SLC5A9: variants seen among roughly 807,000 people sequenced by gnomAD.
SLC5A9 encodes the protein solute carrier family 5 member 9.
A neutral mutation model predicts 70.9 loss-of-function variants in SLC5A9; 59 were observed. That is an observed-to-expected ratio of 0.83 (90% confidence interval 0.68 to 1.03). The LOEUF (loss-of-function observed/expected upper bound fraction) is 1.03. SLC5A9 is among the 50% of genes least tolerant of loss of function. The pLI is 0.00. For synonymous variants in SLC5A9, 340 were observed against 346.5 expected (o/e 0.98, Z 0.21); for missense variants, 832 against 881.1 (o/e 0.94, Z 0.71).
rs766280085 is a variant in SLC5A9 at position 48,230,575 on chromosome 1, C to T, written c.505-25C>T. ...CTACTGAGGGCCTCGGGTGGTCTGGCCTCTTGGGTCCTGGCTCTCTGCAGA... is the reference window on the plus strand; with the variant it reads ...CTACTGAGGGCCTCGGGTGGTCTGGTCTCTTGGGTCCTGGCTCTCTGCAGA... On this transcript the variant is annotated intron_variant, in intron 4 of 13. Transcript: ENST00000438567. 6.3e-6 allele frequency: 10 copies of T among 1,590,410 alleles called. No individual in the cohort carries two copies. The East Asian group carries it at 2.2e-4, about 36-fold the overall frequency.
At chr1:48,240,838 C>T (rs1421321842) in intron 12 of SLC5A9, among the ~76,000 whole-genome samples, 2 of 152,192 alleles carry the variant, frequency 1.3e-5, no homozygotes, top group South Asian at 2.1e-4. Context: ...CTTCTCAACC[C>T]GCTGCTGTCT....
At chr1:48,224,334 CA>C (rs955408186) in intron 1 of SLC5A9, among the ~76,000 whole-genome samples, 9 of 152,202 alleles carry the variant, frequency 5.9e-5, no homozygotes, top group Non-Finnish European at 1.2e-4. Context: ...CAGCTGGGAG[CA>C]GGGAGGGGAT....
intron 2 of SLC5A9, chr1:48,228,613 C>G: frequency 1.7e-6 from 1 of 580,008 alleles, no homozygotes; most frequent in Non-Finnish European, 2.9e-6. Flanking sequence ...CATTTACTCA[C>G]TGGGTGACCT....
intron 13 of SLC5A9, among the ~76,000 whole-genome samples, chr1:48,244,777 A>C (rs564525365): frequency 3.7e-4 from 50 of 134,992 alleles, no homozygotes; most frequent in African/African-American, 1.3e-3. Flanking sequence ...AATTATATTT[A>C]TATTATATAT....
Position 48,228,903 on chromosome 1 carries a change from G to A in SLC5A9, c.288G>A (p.Leu96=). 6.2e-7 allele frequency: 1 copy of A among 1,613,752 alleles called. No individual in the cohort carries two copies. The highest frequency in any genetic ancestry group is 8.5e-7 in the Non-Finnish European group (1 of 1,179,992). Residue 96 remains leucine, a synonymous_variant, in exon 3 of 14, where the codon CTG becomes CTA. Coordinates refer to ENST00000438567, the MANE Select transcript of SLC5A9 (RefSeq NM_001011547.3). The part of the protein sequence containing the change: ...SNVGSGLFIG[L]AGTGAAGGLA... ...TGGGCAGTGGCTTGTTCATCGGCCTGGCTGGGACAGGGGCTGCCGGAGGCC... is the reference window on the plus strand; with the variant it reads ...TGGGCAGTGGCTTGTTCATCGGCCTAGCTGGGACAGGGGCTGCCGGAGGCC...
chr1:48,223,013 G>A (rs1336649384), intron 1 of SLC5A9, 115 bp downstream of exon 1: 1 of 1,132,552 alleles, frequency 8.8e-7, no homozygotes, highest in African/African-American at 1.5e-5. Context: ...ATAGAACCAT[G>A]TGGCTGAGAA....
At chr1:48,245,538 G>T (rs1644451451) in intron 13 of SLC5A9, among the ~76,000 whole-genome samples, 1 of 151,534 alleles carries the variant, frequency 6.6e-6, no homozygotes, top group Admixed American at 6.6e-5. Flanking sequence ...GGAAAGGCTG[G>T]TGCCATTATA....
In SLC5A9 at chr1:48,222,761, G is replaced by C. The variant is rs1379958259; in HGVS notation, c.25G>C (p.Gly9Arg). The C allele has an allele frequency of 1.2e-6, 2 of 1,614,160 alleles. No homozygotes were observed. Among genetic ancestry groups the C allele is most frequent in the Non-Finnish European group, 1.7e-6 (2 of 1,180,028 alleles). ...GATGAGCAAGGAGCTGGCAGCAATG[G>C]GGCCTGGAGCTTCAGGGGACGGGGT... Reference protein sequence around the residue: MSKELAAMGPGASGDGVRT... With the variant: MSKELAAMRPGASGDGVRT... Residue 9 changes from glycine (G) to arginine (R), a missense_variant, in exon 1 of 14, where the codon GGG becomes CGG. By Grantham distance (125) the Gly-to-Arg change is moderately radical. Transcript: ENST00000438567.
At chr1:48,224,969 T>A (rs1644124081) in intron 2 of SLC5A9, among the ~76,000 whole-genome samples, 174 bp downstream of exon 2, 1 of 139,290 alleles carries the variant, frequency 7.2e-6, no homozygotes, top group Admixed American at 7.2e-5. Flanking sequence ...GCAACCTGAG[T>A]GGTCCTGCTA....
rs1232655073 is a variant in SLC5A9 at position 48,235,868 on chromosome 1, G to A, written c.1281G>A (p.Met427Ile). The stretch of plus-strand genomic sequence containing the variant: ...GGAAGTCAACAGAGCAGGAGCTGAT[G>A]GTGGTGGGCAGGTGCGCCGGCCCCT... ...FRRKSTEQEL[M>I]VVGRVFVVFL... Residue 427 changes from methionine to isoleucine, a missense_variant, in exon 10 of 14, where the codon ATG becomes ATA. Physicochemically the swap from Met to Ile is conservative, Grantham distance 10. Coordinates refer to ENST00000438567, the MANE Select transcript of SLC5A9 (RefSeq NM_001011547.3). The A allele has an allele frequency of 2.5e-6, 4 of 1,614,054 alleles. No homozygotes were observed. The highest frequency in any genetic ancestry group is 2.7e-5 in the African/African-American group (2 of 74,924).
intron 9 of SLC5A9, among the ~76,000 whole-genome samples, chr1:48,234,597 A>G (rs1174932439): frequency 6.6e-6 from 1 of 152,068 alleles, no homozygotes; most frequent in Non-Finnish European, 1.5e-5. Context: ...GATAATATAG[A>G]CAGAGAAATC....
chr1:48,228,974 T>C lies in SLC5A9; in HGVS notation c.339+20T>C, dbSNP rs773142341. ...TGGAACGTAAGGAAGCTGGCCTGGT[T>C]TCTCCAGAATACTGAGGGTCTAACC... On this transcript the variant is annotated intron_variant, in intron 3 of 13. Transcript: ENST00000438567. 5.0e-6 allele frequency: 8 copies of C among 1,613,120 alleles called. No individual in the cohort carries two copies. The East Asian group carries it at 1.6e-4, about 31-fold the overall frequency.
rs146564200 is a variant in SLC5A9, at chr1:48,245,271, G to A, written c.1838-2064G>A. Among the ~76,000 whole-genome samples the A allele has an allele frequency of 6.0e-3, 910 of 152,034 alleles. 24 individuals are homozygous for A. The highest frequency in any genetic ancestry group is 0.052 in the South Asian group (251 of 4,828). Reference sequence around the variant, plus strand: ...GAAGTTCCCAAAGAGAAAGAGGAAGGAGACAGCTTGTACTTTCCCACGGCT... The same window carrying A: ...GAAGTTCCCAAAGAGAAAGAGGAAGAAGACAGCTTGTACTTTCCCACGGCT... On this transcript the variant is annotated intron_variant, in intron 13 of 13. Coordinates refer to ENST00000438567, the MANE Select transcript of SLC5A9 (RefSeq NM_001011547.3).
At chr1:48,235,936 T>G in intron 10 of SLC5A9, 57 bp downstream of exon 10, 8 of 1,605,612 alleles carry the variant, frequency 5.0e-6, no homozygotes, top group Non-Finnish European at 6.8e-6. Context: ...TGCCCTGCCC[T>G]GGGTTACCCT....
At chr1:48,231,778 T>G in intron 6 of SLC5A9, 153 bp downstream of exon 6, 2 of 1,503,170 alleles carry the variant, frequency 1.3e-6, no homozygotes, top group Non-Finnish European at 1.8e-6. Flanking sequence ...AGAGCAGGGT[T>G]CTCGCTACTT....
chr1:48,227,884 T>C (rs1251149984), intron 2 of SLC5A9: 1 of 152,130 alleles, frequency 6.6e-6, no homozygotes, highest in Non-Finnish European at 1.5e-5. Context: ...AGCTGAGGCG[T>C]TGATAGAGGA....
intron 2 of SLC5A9, 176 bp from the exon 3 acceptor site, chr1:48,228,674 G>A (rs1557468650): frequency 9.6e-7 from 1 of 1,044,310 alleles, no homozygotes; most frequent in Non-Finnish European, 1.3e-6. Flanking sequence ...CTGTAACCTG[G>A]GATGACTAAT....
chr1:48,243,710 T>C (rs1040175134), intron 13 of SLC5A9, among the ~76,000 whole-genome samples: 1 of 151,040 alleles, frequency 6.6e-6, no homozygotes, highest in Admixed American at 6.6e-5. Context: ...CACGTATCCC[T>C]GAAACTAAAA....
chr1:48,230,596 G>T lies in SLC5A9; in HGVS notation c.505-4G>T, dbSNP rs748299262. 6.2e-7 allele frequency: 1 copy of T among 1,613,002 alleles called. No individual in the cohort carries two copies. The highest frequency in any genetic ancestry group is 2.2e-5 in the East Asian group (1 of 44,848). On this transcript the variant is annotated splice_region_variant and splice_polypyrimidine_tract_variant and intron_variant, in intron 4 of 13. Coordinates refer to ENST00000438567, the MANE Select transcript of SLC5A9 (RefSeq NM_001011547.3). ...CTGGCCTCTTGGGTCCTGGCTCTCT[G>T]CAGACTGACATCTTCTCTGGAGCCC...
Sources: gnomAD v4.1 joint callset for allele counts (sites outside exome capture counted in the v4.1 genomes callset) on GRCh38, gnomAD v4.1.1 for gene constraint, MANE v1.5 for transcripts, NCBI Gene and HGNC (gene_info 2026-07-23, HGNC 2026-07-21) for gene names.